The following SEC11A variants were observed in gnomAD, a reference collection of about 807,000 sequenced individuals.
The protein encoded by SEC11A is signal peptidase complex catalytic subunit SEC11A.
A neutral mutation model predicts 25.6 loss-of-function variants in SEC11A; 14 were observed. That is an observed-to-expected ratio of 0.55 (90% CI 0.36 to 0.85). The LOEUF (loss-of-function observed/expected upper bound fraction) is 0.85, where lower values mean the gene tolerates loss of function less well. Among genes scored for constraint, SEC11A ranks in the 40% least tolerant of loss-of-function variants. SEC11A has a pLI of 0.01. For synonymous variants in SEC11A, 83 were observed against 76.4 expected (o/e 1.09, Z -0.45); for missense variants, 153 against 222.9 (o/e 0.69, Z 2.00).
chr15:84,682,636 A>G (rs918133828), intron 3 of SEC11A, among the ~76,000 whole-genome samples: 7 of 151,988 alleles, frequency 4.6e-5, no homozygotes, highest in African/African-American at 1.5e-4. Flanking sequence ...TTTTTAGTAG[A>G]GACAGGGTTT....
In SEC11A at chr15:84,695,615, A is replaced by G. The variant is rs118019614; in HGVS notation, c.52-3971T>C. Among the ~76,000 whole-genome samples the G allele has an allele frequency of 3.3e-4, 50 of 152,314 alleles. No individual in the cohort carries two copies. The East Asian group carries it at 8.1e-3, about 25-fold the overall frequency. On this transcript the variant is annotated intron_variant, in intron 1 of 5. Coordinates refer to ENST00000268220, the MANE Select transcript of SEC11A (RefSeq NM_014300.4). ...CACTGCATTCTAGCCCAGGTGCCAG[A>G]GCAAGACTGTGTCTCAAAAAATAAA...
intron 4 of SEC11A, among the ~76,000 whole-genome samples, chr15:84,675,593 T>C (rs1056621000): frequency 1.3e-5 from 2 of 152,182 alleles, no homozygotes; most frequent in Non-Finnish European, 2.9e-5. Context: ...TAAAACTGAT[T>C]TCAGTTAACA....
chr15:84,685,961 C>T (rs1268925424), intron 3 of SEC11A: 3 of 151,904 alleles, frequency 2.0e-5, no homozygotes, highest in African/African-American at 7.3e-5. Context: ...CACCACCACG[C>T]CTGGCTAATT....
intron 1 of SEC11A, among the ~76,000 whole-genome samples, chr15:84,698,032 T>C (rs868764097): frequency 6.6e-6 from 1 of 152,184 alleles, no homozygotes; most frequent in South Asian, 2.1e-4. Context: ...AAGTATTGTG[T>C]AGAGCCTTCC....
chr15:84,673,846 T>G (rs1897065595), intron 4 of SEC11A: 1 of 151,970 alleles, frequency 6.6e-6, no homozygotes, highest in Non-Finnish European at 1.5e-5. Flanking sequence ...GAGGTGGAGG[T>G]TGCACTGAGC....
At chr15:84,676,747 T>C (rs537579440) in intron 4 of SEC11A, among the ~76,000 whole-genome samples, 4 of 149,742 alleles carry the variant, frequency 2.7e-5, no homozygotes, top group East Asian at 4.0e-4. Context: ...GATAGCACCA[T>C]TGCACTCCAG....
chr15:84,714,018 CTTTTTTTTTT>C (rs34873142), intron 1 of SEC11A, among the ~76,000 whole-genome samples: 1 of 100,432 alleles, frequency 1.0e-5, no homozygotes, highest in South Asian at 3.2e-4. Flanking sequence ...CATATACCTT[CTTTTTTTTTT>C]TTTTTTTTTT....
intron 5 of SEC11A, 149 bp downstream of exon 5, chr15:84,670,576 C>A: frequency 1.1e-5 from 5 of 452,994 alleles, no homozygotes; most frequent in Non-Finnish European, 2.0e-5. Context: ...GACGGGGTTT[C>A]GCTATGTTGC....
chr15:84,676,158 T>C (rs1234223621), intron 4 of SEC11A, among the ~76,000 whole-genome samples: 2 of 152,238 alleles, frequency 1.3e-5, no homozygotes, highest in African/African-American at 4.8e-5. Context: ...TATTCTAATA[T>C]ATGTGAATTA....
intron 4 of SEC11A, chr15:84,679,838 C>T (rs866279361): frequency 1.2e-6 from 1 of 846,344 alleles, no homozygotes; most frequent in Non-Finnish European, 1.8e-6. Flanking sequence ...GTCTCTGGTA[C>T]ACAATAAGCC....
In SEC11A at chr15:84,716,029, C is replaced by T; in HGVS notation, c.47G>A (p.Arg16Gln). ...AAAGAGGACGGACAAGCTCACCTGC[C>T]GCTTGTTCATCCGCCGCACATCGTC... ...FLDDVRRMNK[R>Q]QLYYQVLNFG... The change falls in exon 1 of 6, where the codon CGG (arginine) becomes CAG (glutamine). Residue 16 changes from arginine to glutamine, a missense_variant. Physicochemically the swap from Arg to Gln is conservative, Grantham distance 43 (BLOSUM62 1). Coordinates refer to ENST00000268220, the MANE Select transcript of SEC11A (RefSeq NM_014300.4). 6.2e-7 allele frequency: 1 copy of T among 1,613,468 alleles called. No homozygotes were observed.
chr15:84,691,983 T>C (rs1897621664), intron 1 of SEC11A: 1 of 170,340 alleles, frequency 5.9e-6, no homozygotes, highest in Non-Finnish European at 1.2e-5. Context: ...CCAAGAGTAA[T>C]CTGTCTCTGC....
At chr15:84,715,158 A>C (rs1039365027) in intron 1 of SEC11A, among the ~76,000 whole-genome samples, 11 of 150,868 alleles carry the variant, frequency 7.3e-5, no homozygotes, top group African/African-American at 2.4e-4. Flanking sequence ...AAGTCCAAGG[A>C]AAAAAAATCC....
rs758392203 is a variant in SEC11A, at chr15:84,669,985, A to ATGTTCC, written c.*33_*34insGGAACA. 6.2e-7 allele frequency: 1 copy of ATGTTCC among 1,613,308 alleles called. No homozygotes were observed. Among genetic ancestry groups the ATGTTCC allele is most frequent in the East Asian group, 2.2e-5 (1 of 44,892 alleles). Reference sequence around the variant, plus strand: ...CTCCAAACATCCAGTAACGAAAACTATGGCATCTTCCCAGGAACAGCAAGG... The same window carrying ATGTTCC: ...CTCCAAACATCCAGTAACGAAAACTATGTTCCTGGCATCTTCCCAGGAACAGCAAGG... On this transcript the variant is annotated 3_prime_UTR_variant, in exon 6 of 6. Coordinates refer to ENST00000268220, the MANE Select transcript of SEC11A (RefSeq NM_014300.4).
chr15:84,706,706 T>A (rs1898104836), intron 1 of SEC11A, among the ~76,000 whole-genome samples: 1 of 152,216 alleles, frequency 6.6e-6, no homozygotes, highest in Non-Finnish European at 1.5e-5. Context: ...AACAGGTGTG[T>A]ATAGATGCCA....
chr15:84,671,700 T>C (rs892350756), intron 4 of SEC11A: 4 of 152,250 alleles, frequency 2.6e-5, no homozygotes, highest in Non-Finnish European at 5.9e-5. Context: ...ATGATGCCTA[T>C]CTTGTTCCCC....
chr15:84,671,066 G>GA (rs1896971867), intron 4 of SEC11A: 4 of 248,666 alleles, frequency 1.6e-5, no homozygotes, highest in Non-Finnish European at 3.1e-5. Context: ...TCCAGGTGGT[G>GA]ACTCTAATGC....
chr15:84,694,592 T>G (rs1183064915), intron 1 of SEC11A, among the ~76,000 whole-genome samples: 1 of 152,146 alleles, frequency 6.6e-6, no homozygotes, highest in Non-Finnish European at 1.5e-5. Context: ...TAGCTATTCA[T>G]TCTGGTGTTT....
chr15:84,680,335 T>C (rs771886715), intron 4 of SEC11A, among the ~76,000 whole-genome samples: 3 of 151,914 alleles, frequency 2.0e-5, no homozygotes, highest in Non-Finnish European at 2.9e-5. Flanking sequence ...AATGTAACTT[T>C]CATGAGGCAG....
Sources: gnomAD v4.1 joint callset for allele counts (sites outside exome capture counted in the v4.1 genomes callset) on GRCh38, gnomAD v4.1.1 for gene constraint, MANE v1.5 for transcripts, NCBI Gene and HGNC (gene_info 2026-07-23, HGNC 2026-07-21) for gene names.